The following SUGP1 variants were observed in gnomAD, a reference collection of about 807,000 sequenced individuals.
The protein encoded by SUGP1 is SURP and G-patch domain containing 1, also known as SURP and G-patch domain-containing protein 1.
A neutral mutation model predicts 76.5 loss-of-function variants in SUGP1; 34 were observed. The ratio of observed to expected loss-of-function variants is 0.44; its 90% confidence interval spans 0.34 to 0.59. The LOEUF is 0.59. SUGP1 is among the 20% of genes least tolerant of loss of function. SUGP1 has a pLI of 0.01. For missense variants in SUGP1, 752 were observed against 851.7 expected, an observed-to-expected ratio of 0.88 and a Z score of 1.46; for synonymous variants, 326 against 326.2, an observed-to-expected ratio of 1.00 and a Z score of 0.01.
intron 3 of SUGP1, among the ~76,000 whole-genome samples, chr19:19,309,597 T>G (rs1210497865): frequency 6.6e-6 from 1 of 151,252 alleles, no homozygotes; most frequent in Non-Finnish European, 1.5e-5. Flanking sequence ...GGTAACACAA[T>G]GAAACCCAGT....
intron 1 of SUGP1, 140 bp from the exon 2 acceptor site, chr19:19,316,733 G>A (rs1599874676): frequency 1.1e-6 from 1 of 949,662 alleles, no homozygotes; most frequent in South Asian, 1.7e-5. Flanking sequence ...CACTTACAGA[G>A]TGCCTGCTGC....
At chr19:19,305,635 C>G (rs2061310357) in intron 4 of SUGP1, 1 of 511,264 alleles carries the variant, frequency 2.0e-6, no homozygotes, top group African/African-American at 1.9e-5. Context: ...AAGATGAAGC[C>G]CACGCGCTGA....
At chr19:19,305,801 T>A (rs375457032) in intron 4 of SUGP1, 48 bp downstream of exon 4, 4 of 1,535,258 alleles carry the variant, frequency 2.6e-6, no homozygotes, top group African/African-American at 1.5e-5. Flanking sequence ...TCCCACCTGC[T>A]AGAGCACGGG....
chr19:19,316,627 C>T (rs763580046), intron 1 of SUGP1, 34 bp from the exon 2 acceptor site: 3 of 1,609,220 alleles, frequency 1.9e-6, no homozygotes, highest in Middle Eastern at 1.7e-4. Flanking sequence ...CGGAAATCAC[C>T]CTTACTCCAC....
rs534635834 is a variant in SUGP1 at position 19,318,220 on chromosome 19, C to T, written c.35-1627G>A. ...GCAATCTCCACCTCCAGAGTTCCAG[C>T]GATTCTCCTGCCTCAGCCTCCCGAG... On this transcript the variant is annotated intron_variant, in intron 1 of 13. Transcript: ENST00000247001. 6.1e-5 allele frequency among the ~76,000 whole-genome samples: 9 copies of T among 148,368 alleles called. No individual in the cohort carries two copies. The South Asian group carries it at 6.4e-4, about 11-fold the overall frequency.
At chr19:19,277,633 C>T in intron 12 of SUGP1, 101 bp downstream of exon 12, 1 of 1,455,492 alleles carries the variant, frequency 6.9e-7, no homozygotes, top group East Asian at 2.4e-5. Flanking sequence ...CATTTTGCCA[C>T]AAGGGAAAAG....
Position 19,279,381 on chromosome 19 carries a change from T to C in SUGP1, c.1360A>G (p.Met454Val), listed in dbSNP as rs774155517. ...QLKEQQEMQQMYDMIMQHKRA... is the reference protein window; with the variant it reads ...QLKEQQEMQQVYDMIMQHKRA... ...TTGTGCTGCATGATCATGTCGTACATCTGCTGCATCTGCAGGGCACACTCG... is the reference window on the plus strand; with the variant it reads ...TTGTGCTGCATGATCATGTCGTACACCTGCTGCATCTGCAGGGCACACTCG... Residue 454 changes from methionine (M) to valine (V), a missense_variant, in exon 10 of 14, where the codon ATG becomes GTG. Met to Val is a conservative substitution (Grantham distance 21). Transcript: ENST00000247001. The C allele has an allele frequency of 2.5e-6, 4 of 1,601,968 alleles. No homozygotes were observed. Among genetic ancestry groups the C allele is most frequent in the African/African-American group, 1.3e-5 (1 of 74,828 alleles).
At chr19:19,306,135 C>T (rs1254874823) in intron 3 of SUGP1, 59 bp from the exon 4 acceptor site, 9 of 1,438,006 alleles carry the variant, frequency 6.3e-6, no homozygotes, top group Admixed American at 5.4e-5. Context: ...TCCCGGCTTC[C>T]GACCTAACCT....
chr19:19,284,030 G>A (rs560998158), intron 8 of SUGP1, among the ~76,000 whole-genome samples: 1 of 152,366 alleles, frequency 6.6e-6, no homozygotes, highest in Admixed American at 6.5e-5. Context: ...CTCTGCACAA[G>A]CTGTTTGTCC....
intron 8 of SUGP1, among the ~76,000 whole-genome samples, chr19:19,286,168 C>T (rs2061138688): frequency 6.6e-6 from 1 of 152,184 alleles, no homozygotes; most frequent in South Asian, 2.1e-4. Flanking sequence ...CTAGTGACTG[C>T]TTGTTAAAGT....
At chr19:19,302,165 G>A (rs1476413153) in intron 7 of SUGP1, 100 bp downstream of exon 7, 6 of 1,528,350 alleles carry the variant, frequency 3.9e-6, no homozygotes, top group Non-Finnish European at 5.3e-6. Flanking sequence ...TCTCACAGTG[G>A]GACCCCAGCA....
chr19:19,316,644 C>T (rs759176117), intron 1 of SUGP1, 51 bp from the exon 2 acceptor site: 1 of 1,595,996 alleles, frequency 6.3e-7, no homozygotes, highest in African/African-American at 1.3e-5. Context: ...CCACAAACAC[C>T]CCAAGAAGCT....
At chr19:19,310,036 G>T in intron 3 of SUGP1, 61 bp downstream of exon 3, 3 of 1,382,010 alleles carry the variant, frequency 2.2e-6, no homozygotes, top group South Asian at 1.2e-5. Flanking sequence ...CTTCCCATGT[G>T]CCCAGCAACC....
intron 3 of SUGP1, among the ~76,000 whole-genome samples, chr19:19,308,155 C>G (rs996936365): frequency 1.2e-4 from 19 of 152,114 alleles, no homozygotes; most frequent in African/African-American, 3.9e-4. Context: ...CTCAGCCCCC[C>G]CATTAGTTGG....
intron 1 of SUGP1, among the ~76,000 whole-genome samples, chr19:19,319,958 T>C (rs979704978): frequency 1.3e-5 from 2 of 152,156 alleles, no homozygotes; most frequent in East Asian, 1.9e-4. Context: ...ACGCCCTAAG[T>C]ATCTGCTGAT....
chr19:19,298,763 C>T (rs1290371167), intron 7 of SUGP1, among the ~76,000 whole-genome samples: 1 of 152,206 alleles, frequency 6.6e-6, no homozygotes, highest in Admixed American at 6.5e-5. Context: ...ACTTGACAGC[C>T]GGGTGAGTTC....
intron 1 of SUGP1, among the ~76,000 whole-genome samples, 174 bp from the exon 2 acceptor site, chr19:19,316,767 G>A (rs10417715): frequency 0.034 from 5,115 of 152,098 alleles, 306 homozygotes; most frequent in African/African-American, 0.12. Flanking sequence ...TACTTACTAC[G>A]TGCTATGCAA....
chr19:19,288,941 A>G (rs1449573561), intron 8 of SUGP1, among the ~76,000 whole-genome samples: 1 of 151,926 alleles, frequency 6.6e-6, no homozygotes, highest in Non-Finnish European at 1.5e-5. Context: ...ATGTGCCACC[A>G]TGCCCGGCTA....
intron 1 of SUGP1, among the ~76,000 whole-genome samples, chr19:19,318,113 CT>C (rs1192437542): frequency 4.3e-3 from 423 of 97,658 alleles, no homozygotes; most frequent in Non-Finnish European, 6.1e-3. Flanking sequence ...ACCCAGCCTT[CT>C]TTTTTTTTTT....
Sources: gnomAD v4.1 joint callset for allele counts (sites outside exome capture counted in the v4.1 genomes callset) on GRCh38, gnomAD v4.1.1 for gene constraint, MANE v1.5 for transcripts, NCBI Gene and HGNC (gene_info 2026-07-23, HGNC 2026-07-21) for gene names.